CYP19A1: variants seen among roughly 807,000 people sequenced by gnomAD.
CYP19A1 encodes aromatase.
CYP19A1 carries 32 observed loss-of-function variants against 44.4 expected under a neutral mutation model. The ratio of observed to expected loss-of-function variants is 0.72; its 90% CI spans 0.54 to 0.97. The LOEUF (loss-of-function observed/expected upper bound fraction) is 0.97. Among genes scored for constraint, CYP19A1 ranks in the 50% least tolerant of loss-of-function variants. CYP19A1 has a pLI of 0.00. For synonymous variants in CYP19A1, 212 were observed against 215.6 expected, an observed-to-expected ratio of 0.98 and a Z score of 0.14; for missense variants, 598 against 637.8, an observed-to-expected ratio of 0.94 and a Z score of 0.67.
At chr15:51,335,364 C>T (rs8027683) in intron 1 of CYP19A1, among the ~76,000 whole-genome samples, 23,454 of 152,102 alleles carry the variant, frequency 0.15, 1,989 homozygotes, top group South Asian at 0.26. Flanking sequence ...AATCTCACAA[C>T]GGAAGCAATA....
In CYP19A1 at chr15:51,219,088, T is replaced by C. The variant is rs28578832; in HGVS notation, c.629-433A>G. Among the ~76,000 whole-genome samples the C allele has an allele frequency of 9.5e-3, 1,442 of 152,334 alleles. 34 individuals carry two copies. Among genetic ancestry groups the C allele is most frequent in the African/African-American group, 0.033 (1,387 of 41,558 alleles). On this transcript the variant is annotated intron_variant, in intron 5 of 9. Transcript: ENST00000396402. Reference sequence around the variant, plus strand: ...CTAACAACCACATTTTAACTTCATTTGGTGCTGGGTAAGCAGAGCCATGAA... The same window carrying C: ...CTAACAACCACATTTTAACTTCATTCGGTGCTGGGTAAGCAGAGCCATGAA...
intron 1 of CYP19A1, among the ~76,000 whole-genome samples, chr15:51,284,340 T>G (rs1274355895): frequency 6.6e-6 from 1 of 152,222 alleles, no homozygotes; most frequent in East Asian, 1.9e-4. Flanking sequence ...TCTAAATCAA[T>G]GACCCCGACA....
At chr15:51,279,922 C>A (rs1427569218) in intron 1 of CYP19A1, 4 of 152,106 alleles carry the variant, frequency 2.6e-5, no homozygotes, top group Admixed American at 6.5e-5. Flanking sequence ...TTGCATGGGG[C>A]TTTTGCATTT....
intron 1 of CYP19A1, among the ~76,000 whole-genome samples, chr15:51,284,040 A>C (rs892682345): frequency 6.6e-6 from 1 of 152,208 alleles, no homozygotes; most frequent in Non-Finnish European, 1.5e-5. Flanking sequence ...CTGTGCATAC[A>C]GGAATAATTG....
chr15:51,315,196 T>G (rs2036400262), intron 1 of CYP19A1, among the ~76,000 whole-genome samples: 1 of 152,028 alleles, frequency 6.6e-6, no homozygotes, highest in Admixed American at 6.5e-5. Context: ...TTCTCAACAC[T>G]CCCCACCTTC....
intron 1 of CYP19A1, among the ~76,000 whole-genome samples, chr15:51,304,853 C>T (rs1477848990): frequency 7.0e-6 from 1 of 141,946 alleles, no homozygotes; most frequent in Non-Finnish European, 1.5e-5. Context: ...CTAAATAGAA[C>T]ATTTGCCATT....
In CYP19A1 at chr15:51,305,201, C is replaced by T. The variant is rs148668705; in HGVS notation, c.-39+33294G>A. ...AGGCGTGATCCATCGCGCCCGGCCA[C>T]GTCTCTTCCTTTCAATGTAGGATGT... is the stretch of plus-strand genomic sequence containing the variant. On this transcript the variant is annotated intron_variant, in intron 1 of 9. Transcript: ENST00000396402. Among the ~76,000 whole-genome samples the T allele has an allele frequency of 4.1e-3, 628 of 152,124 alleles. 5 individuals carry two copies. The highest frequency in any genetic ancestry group is 0.014 in the African/African-American group (596 of 41,486).
At chr15:51,325,667 G>A (rs796393289) in intron 1 of CYP19A1, among the ~76,000 whole-genome samples, 17 of 151,698 alleles carry the variant, frequency 1.1e-4, no homozygotes, top group African/African-American at 3.6e-4. Context: ...GTGAAACCCC[G>A]TCTCTACTAA....
intron 2 of CYP19A1, among the ~76,000 whole-genome samples, chr15:51,242,499 T>C (rs2033829075): frequency 1.3e-5 from 2 of 152,122 alleles, no homozygotes; most frequent in African/African-American, 4.8e-5. Flanking sequence ...GAGCTTGTTT[T>C]AAAGGGTACT....
chr15:51,236,957 C>T lies in CYP19A1; in HGVS notation c.198G>A (p.Leu66=), dbSNP rs2033435151. 3.1e-6 allele frequency: 5 copies of T among 1,614,108 alleles called. No individual in the cohort carries two copies. The highest frequency in any genetic ancestry group is 4.2e-6 in the Non-Finnish European group (5 of 1,180,052). ...IGPLISHGRF[L]WMGIGSACNY... ...TGCAGGCACTGCCGATCCCCATCCA[C>T]AGGAATCTGCCGTGGGAGATGAGGG... Residue 66 remains leucine, a synonymous_variant, in exon 3 of 10, where the codon CTG becomes CTA. Transcript: ENST00000396402.
chr15:51,221,274 T>G (rs1198118109), intron 5 of CYP19A1: 1 of 152,202 alleles, frequency 6.6e-6, no homozygotes, highest in East Asian at 1.9e-4. Flanking sequence ...TTTTTCTTTG[T>G]GTACATGTAT....
At chr15:51,301,565 A>C (rs2036114279) in intron 1 of CYP19A1, among the ~76,000 whole-genome samples, 1 of 152,030 alleles carries the variant, frequency 6.6e-6, no homozygotes, top group African/African-American at 2.4e-5. Context: ...ATTTGGGCTG[A>C]CCCCCCGCGT....
intron 1 of CYP19A1, chr15:51,318,623 G>A (rs1372736533): frequency 2.0e-5 from 3 of 152,262 alleles, no homozygotes; most frequent in East Asian, 3.9e-4. Flanking sequence ...GGGACTCTTA[G>A]TCTTGGTTGG....
intron 1 of CYP19A1, among the ~76,000 whole-genome samples, chr15:51,319,928 T>C (rs2036497440): frequency 6.6e-6 from 1 of 152,200 alleles, no homozygotes; most frequent in Admixed American, 6.5e-5. Flanking sequence ...TGCTGTGAAG[T>C]TCAGATGAGC....
chr15:51,327,240 T>A (rs2036621750), intron 1 of CYP19A1, among the ~76,000 whole-genome samples: 1 of 152,182 alleles, frequency 6.6e-6, no homozygotes, highest in South Asian at 2.1e-4. Context: ...ATCTCTCCTG[T>A]TTGTGTTCAT....
chr15:51,337,474 A>G (rs1196632314), intron 1 of CYP19A1, among the ~76,000 whole-genome samples: 1 of 152,236 alleles, frequency 6.6e-6, no homozygotes, highest in Non-Finnish European at 1.5e-5. Flanking sequence ...GTCTCTTTAA[A>G]GAACTTGAGT....
At chr15:51,254,623 C>A (rs2034447899) in intron 1 of CYP19A1, among the ~76,000 whole-genome samples, 5 of 152,076 alleles carry the variant, frequency 3.3e-5, no homozygotes, top group Admixed American at 2.0e-4. Context: ...GTGCTACATT[C>A]TGGGATAATT....
rs923217063 is a variant in CYP19A1, at chr15:51,211,113, CTGTT to C, written c.1264-61_1264-58del. 8.3e-6 allele frequency: 10 copies of C among 1,197,758 alleles called. No individual in the cohort carries two copies. The African/African-American group carries it at 9.0e-5, about 11-fold the overall frequency. The allele number at this position is 1,197,758 out of a possible 1,614,324, so 74.2% of individuals were successfully genotyped here. On this transcript the variant is annotated intron_variant, in intron 9 of 9. Coordinates refer to ENST00000396402, the MANE Select transcript of CYP19A1 (RefSeq NM_000103.4). ...ATTAAAGGCTAGAGTCACTCAGTCT[CTGTT>C]TGATTCATTCTGAAAACATGGGTCA...
At chr15:51,302,017 G>A (rs1279962499) in intron 1 of CYP19A1, among the ~76,000 whole-genome samples, 2 of 152,182 alleles carry the variant, frequency 1.3e-5, no homozygotes, top group Non-Finnish European at 2.9e-5. Flanking sequence ...GTATAATAAA[G>A]TGTAGGCTTC....
Sources: allele counts gnomAD v4.1 joint callset (sites outside exome capture counted in the v4.1 genomes callset), GRCh38; gene constraint gnomAD v4.1.1; transcripts MANE v1.5; gene names NCBI Gene and HGNC (gene_info 2026-07-23, HGNC 2026-07-21).